The following SSBP2 variants were observed in gnomAD, a reference collection of about 807,000 sequenced individuals.
SSBP2 encodes single-stranded DNA-binding protein 2.
SSBP2 carries 17 observed loss-of-function variants against 61.8 expected under a neutral mutation model. The ratio of observed to expected loss-of-function variants is 0.28; its 90% CI spans 0.19 to 0.41. The LOEUF (loss-of-function observed/expected upper bound fraction) is 0.41. Among genes scored for constraint, SSBP2 ranks in the 10% least tolerant of loss-of-function variants. The probability of loss-of-function intolerance (pLI) is 1.00; values close to 1 mark genes in which losing one functional copy is unlikely to be tolerated. For missense variants in SSBP2, 310 were observed against 458.7 expected, an observed-to-expected ratio of 0.68 and a Z score of 2.96; for synonymous variants, 139 against 141.3, an observed-to-expected ratio of 0.98 and a Z score of 0.12.
chr5:81,672,093 TTAC>T (rs1026072334), intron 1 of SSBP2, among the ~76,000 whole-genome samples: 3 of 152,178 alleles, frequency 2.0e-5, no homozygotes, highest in African/African-American at 7.2e-5. Context: ...TATATTATTT[TTAC>T]TACAAAACAG....
At chr5:81,646,611 CT>C (rs56787398) in intron 2 of SSBP2, among the ~76,000 whole-genome samples, 54,043 of 131,778 alleles carry the variant, frequency 0.41, 11,699 homozygotes, top group Middle Eastern at 0.56. Flanking sequence ...TTACATTCTC[CT>C]TTTTTTTTTT....
rs1018610704 is a variant in SSBP2, at chr5:81,419,195, A to G, written c.*1309T>C. 1 of 152,214 alleles carries G rather than the reference A, an allele frequency of 6.6e-6. No homozygotes were observed. The highest frequency in any genetic ancestry group is 2.4e-5 in the African/African-American group (1 of 41,456). 9.4% of individuals were successfully genotyped at this position (152,214 alleles called of 1,614,324 possible). The stretch of plus-strand genomic sequence containing the variant: ...TTCTTTTTTGAACAGTCAGTTACAC[A>G]ATGTAGTTTTAGCCTGCTGAAGTCA... On this transcript the variant is annotated 3_prime_UTR_variant, in exon 17 of 17. Coordinates refer to ENST00000320672, the MANE Select transcript of SSBP2 (RefSeq NM_012446.5).
chr5:81,633,606 A>G (rs562420988), intron 3 of SSBP2, among the ~76,000 whole-genome samples: 1 of 152,158 alleles, frequency 6.6e-6, no homozygotes, highest in African/African-American at 2.4e-5. Context: ...CCTGGGTTCA[A>G]GTGATCCTCC....
chr5:81,576,164 TCTC>T (rs1372454402), intron 4 of SSBP2, among the ~76,000 whole-genome samples: 1 of 151,820 alleles, frequency 6.6e-6, no homozygotes, highest in Non-Finnish European at 1.5e-5. Context: ...ACAGTCTACA[TCTC>T]CTTCTTCCTC....
At chr5:81,666,809 T>G (rs948351232) in intron 1 of SSBP2, among the ~76,000 whole-genome samples, 1 of 152,204 alleles carries the variant, frequency 6.6e-6, no homozygotes, top group Non-Finnish European at 1.5e-5. Context: ...CAGATTGTCA[T>G]AATCTTTACT....
intron 7 of SSBP2, 137 bp from the exon 8 acceptor site, chr5:81,473,907 A>G (rs1765419645): frequency 2.7e-6 from 2 of 753,846 alleles, no homozygotes; most frequent in Middle Eastern, 2.6e-4. Flanking sequence ...CTTGGCTTCC[A>G]GACCACTTTT....
At chr5:81,646,612 T>C (rs1581243500) in intron 2 of SSBP2, among the ~76,000 whole-genome samples, 1 of 46,114 alleles carries the variant, frequency 2.2e-5, no homozygotes, top group African/African-American at 1.5e-4. Context: ...TACATTCTCC[T>C]TTTTTTTTTT....
intron 1 of SSBP2, among the ~76,000 whole-genome samples, chr5:81,713,854 C>T (rs1289839233): frequency 6.6e-6 from 1 of 151,994 alleles, no homozygotes; most frequent in Non-Finnish European, 1.5e-5. Flanking sequence ...TATTCTTAAC[C>T]TTCAAAGAGA....
intron 14 of SSBP2, among the ~76,000 whole-genome samples, chr5:81,439,999 C>T (rs1420608445): frequency 6.6e-6 from 1 of 152,080 alleles, no homozygotes; most frequent in Non-Finnish European, 1.5e-5. Flanking sequence ...CCATCAGTCA[C>T]TTGAAATGGT....
At chr5:81,572,013 T>C (rs1177756091) in intron 4 of SSBP2, among the ~76,000 whole-genome samples, 1 of 152,172 alleles carries the variant, frequency 6.6e-6, no homozygotes, top group African/African-American at 2.4e-5. Context: ...TAAATGTTTT[T>C]AAATTAAAGA....
chr5:81,668,422 T>C (rs1336703850), intron 1 of SSBP2, among the ~76,000 whole-genome samples: 1 of 152,060 alleles, frequency 6.6e-6, no homozygotes, highest in Non-Finnish European at 1.5e-5. Flanking sequence ...ATGACTAGGC[T>C]GTAAGATTTT....
intron 4 of SSBP2, among the ~76,000 whole-genome samples, chr5:81,591,124 A>C (rs889986274): frequency 3.3e-5 from 5 of 152,220 alleles, no homozygotes; most frequent in Non-Finnish European, 4.4e-5. Flanking sequence ...CCGGAGTTGA[A>C]GGCAGACCAC....
At chr5:81,748,423 T>C (rs1205706364) in intron 1 of SSBP2, among the ~76,000 whole-genome samples, 1 of 152,204 alleles carries the variant, frequency 6.6e-6, no homozygotes, top group Non-Finnish European at 1.5e-5. Flanking sequence ...TAGTACATTG[T>C]TGCAGAATAG....
chr5:81,494,837 A>T (rs1459948523), intron 5 of SSBP2, among the ~76,000 whole-genome samples: 1 of 152,202 alleles, frequency 6.6e-6, no homozygotes, highest in Non-Finnish European at 1.5e-5. Context: ...AAAATACTCT[A>T]ATAGAAACGC....
intron 11 of SSBP2, among the ~76,000 whole-genome samples, chr5:81,447,372 G>T (rs1228172232): frequency 6.6e-6 from 1 of 152,034 alleles, no homozygotes; most frequent in African/African-American, 2.4e-5. Context: ...TCTTTCTTCT[G>T]TCAGCATCAA....
At chr5:81,474,667 A>G in intron 6 of SSBP2, 105 bp from the exon 7 acceptor site, 1 of 767,696 alleles carries the variant, frequency 1.3e-6, no homozygotes, top group Non-Finnish European at 2.0e-6. Flanking sequence ...ACAAGAATGC[A>G]TTTGAGTATT....
At chr5:81,484,071 T>C (rs898004768) in intron 6 of SSBP2, among the ~76,000 whole-genome samples, 1 of 152,022 alleles carries the variant, frequency 6.6e-6, no homozygotes, top group Admixed American at 6.6e-5. Context: ...CACCAATGTA[T>C]CCCCCACATC....
chr5:81,738,797 C>T (rs951979746), intron 1 of SSBP2, among the ~76,000 whole-genome samples: 1 of 152,264 alleles, frequency 6.6e-6, no homozygotes, highest in Middle Eastern at 3.4e-3. Context: ...TCCCCCTTTA[C>T]TCCATGCTCC....
At chr5:81,695,633 T>C (rs992814922) in intron 1 of SSBP2, among the ~76,000 whole-genome samples, 1 of 151,748 alleles carries the variant, frequency 6.6e-6, no homozygotes. Context: ...GACTTTTAAA[T>C]CTCTACATTT....
Sources: gnomAD v4.1 joint callset for allele counts (sites outside exome capture counted in the v4.1 genomes callset) on GRCh38, gnomAD v4.1.1 for gene constraint, MANE v1.5 for transcripts, NCBI Gene and HGNC (gene_info 2026-07-23, HGNC 2026-07-21) for gene names.